RIPOR1: variants seen among roughly 807,000 people sequenced by gnomAD.
RIPOR1 encodes rho family-interacting cell polarization regulator 1.
In RIPOR1, 58 loss-of-function variants were observed where a neutral mutation model predicts 116.5. The ratio of observed to expected loss-of-function variants is 0.50; its 90% CI spans 0.40 to 0.62. The LOEUF (loss-of-function observed/expected upper bound fraction) is 0.62, where lower values mean the gene tolerates loss of function less well. Ranked by LOEUF, RIPOR1 falls within the 20% of genes least tolerant of loss-of-function variation. RIPOR1 has a pLI of 0.00. For missense variants in RIPOR1, 1,372 were observed against 1,586.2 expected, an observed-to-expected ratio of 0.86 and a Z score of 2.29; for synonymous variants, 605 against 650.0, an observed-to-expected ratio of 0.93 and a Z score of 1.05.
In RIPOR1 at chr16:67,529,630, T is replaced by A. The variant is rs1427634517; in HGVS notation, c.-24+716T>A. 26 of 789,618 alleles carry A rather than the reference T, an allele frequency of 3.3e-5. No homozygotes were observed. The highest frequency in any genetic ancestry group is 4.8e-5 in the Non-Finnish European group (24 of 502,502). 48.9% of individuals were successfully genotyped at this position (789,618 alleles called of 1,614,324 possible). A position where few individuals can be genotyped will look rare whatever the true frequency, so the allele number is the denominator to read the frequency against. Reference sequence around the variant, plus strand: ...CCAGATTCAGCACCCTTTGTCCTCCTCTCCAGGGTGAGCCCTGAGTCCGGC... The same window carrying A: ...CCAGATTCAGCACCCTTTGTCCTCCACTCCAGGGTGAGCCCTGAGTCCGGC... On this transcript the variant is annotated intron_variant, in intron 1 of 21. Transcript: ENST00000042381. This position sits in a 1 kb window ranked among gnomAD's most constrained non-coding sequence, Gnocchi z 4.1.
At position 67,541,953 on chromosome 16, in the gene RIPOR1, G is replaced by A. The variant is rs2050999818; in HGVS notation, c.1167G>A (p.Gln389=). The stretch of plus-strand genomic sequence containing the variant: ...CTTCAGACGACTCATCCAGCCCACA[G>A]CTCTCAGGCACTGCCCGCCACTCAC... The part of the protein sequence containing the change: ...SESSDDSSSP[Q]LSGTARHSPA... The change falls in exon 13 of 22, where the codon CAG becomes CAA. Residue 389 remains glutamine, a synonymous_variant. Transcript: ENST00000042381. This position sits in a 1 kb window ranked among gnomAD's most constrained non-coding sequence, Gnocchi z 4.6. The A allele has an allele frequency of 3.7e-6, 6 of 1,612,096 alleles. No homozygotes were observed. The highest frequency in any genetic ancestry group is 5.1e-6 in the Non-Finnish European group (6 of 1,179,732).
Position 67,544,564 on chromosome 16 carries a change from C to A in RIPOR1, c.2734-131C>A, listed in dbSNP as rs144687542. On this transcript the variant is annotated intron_variant, in intron 15 of 21. Transcript: ENST00000042381. This position sits in a 1 kb window ranked among gnomAD's most constrained non-coding sequence, Gnocchi z 5.1. ...GCCCCAGGGCCCTTGGCATCTGGCC[C>A]TTGCTGAATGGAGTATCTCCCAACT... 7.2e-6 allele frequency: 11 copies of A among 1,537,768 alleles called. No individual in the cohort carries two copies. The East Asian group carries it at 2.5e-4, about 35-fold the overall frequency.
At chr16:67,527,615 G>A (rs2050554198), upstream of RIPOR1, among the ~76,000 whole-genome samples, 1 of 152,062 alleles carries the variant, frequency 6.6e-6, no homozygotes, top group Non-Finnish European at 1.5e-5. Context: ...GGTGGCTCAT[G>A]CCTGTAATCC....
chr16:67,538,852 G>C, intron 3 of RIPOR1, 28 bp downstream of exon 3: 1 of 1,611,240 alleles, frequency 6.2e-7, no homozygotes, highest in Non-Finnish European at 8.5e-7. Context: ...TCCCAGCCCT[G>C]TCCCGGGATC....
rs2051080197 is a variant in RIPOR1, at chr16:67,543,874, C to T, written c.2600+405C>T. 3 of 351,810 alleles carry T rather than the reference C, an allele frequency of 8.5e-6. No homozygotes were observed. The highest frequency in any genetic ancestry group is 3.4e-5 in the South Asian group (1 of 29,462). 21.8% of individuals were successfully genotyped at this position (351,810 alleles called of 1,614,324 possible). On this transcript the variant is annotated intron_variant, in intron 14 of 21. Coordinates refer to ENST00000042381, the MANE Select transcript of RIPOR1 (RefSeq NM_024519.4). This position sits in a 1 kb window ranked among gnomAD's most constrained non-coding sequence, Gnocchi z 4.7. The stretch of plus-strand genomic sequence containing the variant: ...GCACTGCCCCACTCCTTCTCAACCC[C>T]GACTCTCCCAGAGGCCCTGGCCCCT...
Position 67,541,595 on chromosome 16 carries a change from G to A in RIPOR1, c.950+17G>A. The A allele has an allele frequency of 1.2e-5, 19 of 1,614,016 alleles. No individual in the cohort carries two copies. Among genetic ancestry groups the A allele is most frequent in the Non-Finnish European group, 1.4e-5 (17 of 1,179,920 alleles). The stretch of plus-strand genomic sequence containing the variant: ...CACATGGAGGTTGGTGGGGCTGAGA[G>A]GCTTGGAGGAGGGCCAGGAGGGCTG... On this transcript the variant is annotated intron_variant, in intron 11 of 21. Transcript: ENST00000042381. The surrounding 1 kb of genome is among the most constrained non-coding windows in gnomAD (Gnocchi z 4.6).
Position 67,545,587 on chromosome 16 carries a change from G to C in RIPOR1, c.3190+53G>C. 5 of 1,598,232 alleles carry C rather than the reference G, an allele frequency of 3.1e-6. No individual in the cohort carries two copies. Among genetic ancestry groups the C allele is most frequent in the Non-Finnish European group, 4.3e-6 (5 of 1,169,482 alleles). On this transcript the variant is annotated intron_variant, in intron 18 of 21. Transcript: ENST00000042381. This position sits in a 1 kb window ranked among gnomAD's most constrained non-coding sequence, Gnocchi z 4.8. ...GGCCTCTTGGGGTCTGAGGACATGA[G>C]GACAAGCCCTCCCCAACCTCGGGGG...
chr16:67,542,652 C>T lies in RIPOR1; in HGVS notation c.1866C>T (p.Pro622=), dbSNP rs577717311. The change falls in exon 13 of 22, where the codon CCC becomes CCT. Residue 622 remains proline (P), a synonymous_variant. Coordinates refer to ENST00000042381, the MANE Select transcript of RIPOR1 (RefSeq NM_024519.4). This position sits in a 1 kb window ranked among gnomAD's most constrained non-coding sequence, Gnocchi z 4.6. ...TASPTHTSTS[P]THTPTSPTHK... is the part of the protein sequence containing the mutation. The stretch of plus-strand genomic sequence containing the variant: ...GCCCCACTCATACTTCCACAAGCCC[C>T]ACCCATACCCCCACAAGTCCCACCC... The T allele has an allele frequency of 1.5e-5, 25 of 1,613,418 alleles. No individual in the cohort carries two copies. In the African/African-American group the frequency reaches 1.7e-4, roughly 11 times the overall value.
chr16:67,538,684 C>T lies in RIPOR1; in HGVS notation c.117C>T (p.Val39=), dbSNP rs548551482. 3 of 1,612,982 alleles carry T rather than the reference C, an allele frequency of 1.9e-6. No homozygotes were observed. In the East Asian group the frequency reaches 6.7e-5, roughly 36 times the overall value. The change falls in exon 3 of 22, where the codon GTC becomes GTT. Residue 39 remains valine (V), a synonymous_variant. Coordinates refer to ENST00000042381, the MANE Select transcript of RIPOR1 (RefSeq NM_024519.4). Reference sequence around the variant, plus strand: ...GCCTCTCCTTCAGGAGTTTCCCGGTCTTCAGCCCGCCGGGGCCCCCACGGA... The same window carrying T: ...GCCTCTCCTTCAGGAGTTTCCCGGTTTTCAGCCCGCCGGGGCCCCCACGGA... ...SHERGPRSFP[V]FSPPGPPRKP...
At chr16:67,528,240 T>C (rs2050564872), upstream of RIPOR1, 1 of 152,092 alleles carries the variant, frequency 6.6e-6, no homozygotes, top group Non-Finnish European at 1.5e-5. Flanking sequence ...CCTGCCAGCG[T>C]CCCCACCCCA....
chr16:67,529,736 TAACAATA>T lies in RIPOR1; in HGVS notation c.-24+823_-24+829del. On this transcript the variant is annotated intron_variant, in intron 1 of 21. Coordinates refer to ENST00000042381, the MANE Select transcript of RIPOR1 (RefSeq NM_024519.4). The surrounding 1 kb of genome is among the most constrained non-coding windows in gnomAD (Gnocchi z 4.1). ...AGCACCTACTGTGCGCAGCCTCGTGTAACAATACTTGTGCCCTGGCTGCAGTCTGCGG... is the reference window on the plus strand; with the variant it reads ...AGCACCTACTGTGCGCAGCCTCGTGTCTTGTGCCCTGGCTGCAGTCTGCGG... 1 of 1,532,732 alleles carries T rather than the reference TAACAATA, an allele frequency of 6.5e-7. No individual in the cohort carries two copies. Among genetic ancestry groups the T allele is most frequent in the Admixed American group, 2.0e-5 (1 of 50,884 alleles). 94.9% of individuals were successfully genotyped at this position (1,532,732 alleles called of 1,614,324 possible). A position where few individuals can be genotyped will look rare whatever the true frequency, so the allele number is the denominator to read the frequency against.
At position 67,544,883 on chromosome 16, in the gene RIPOR1, A is replaced by G; in HGVS notation, c.2869+53A>G. 6.3e-7 allele frequency: 1 copy of G among 1,597,164 alleles called. No individual in the cohort carries two copies. The highest frequency in any genetic ancestry group is 8.6e-7 in the Non-Finnish European group (1 of 1,168,712). On this transcript the variant is annotated intron_variant, in intron 16 of 21. Transcript: ENST00000042381. This position sits in a 1 kb window ranked among gnomAD's most constrained non-coding sequence, Gnocchi z 5.1. ...CCATCTGCCTTGAAGCTCCTACCTC[A>G]GCCTACTGCCATCTGCATGCTCTCT...
In RIPOR1 at chr16:67,541,121, A is replaced by G. The variant is rs1457602458; in HGVS notation, c.802-309A>G. ...CACTCTGTCACCCAGGTTGGAGTGC[A>G]GCAGTGCAATCATACCTCACTGCAG... On this transcript the variant is annotated intron_variant, in intron 10 of 21. Transcript: ENST00000042381. This position sits in a 1 kb window ranked among gnomAD's most constrained non-coding sequence, Gnocchi z 4.6. Among the ~76,000 whole-genome samples the G allele has an allele frequency of 1.3e-5, 2 of 152,096 alleles. No homozygotes were observed. The highest frequency in any genetic ancestry group is 2.9e-5 in the Non-Finnish European group (2 of 68,018).
chr16:67,524,085 GTTGT>G (rs1555524804), upstream of RIPOR1, among the ~76,000 whole-genome samples: 1 of 152,188 alleles, frequency 6.6e-6, no homozygotes, highest in Non-Finnish European at 1.5e-5. Context: ...AGTGTCTCCT[GTTGT>G]TTGTGTTTGC....
At position 67,545,717 on chromosome 16, in the gene RIPOR1, C is replaced by T; in HGVS notation, c.3244C>T (p.Leu1082=). ...TGATCAGGCTGTTGTGCTGAAGGCCCTGAGATTGGCGCCCGAGGGGCGTCT... is the reference window on the plus strand; with the variant it reads ...TGATCAGGCTGTTGTGCTGAAGGCCTTGAGATTGGCGCCCGAGGGGCGTCT... ...SDDQAVVLKA[L]RLAPEGRLRR... Residue 1082 remains leucine (L), a synonymous_variant, in exon 19 of 22, where the codon CTG becomes TTG. Transcript: ENST00000042381. This position sits in a 1 kb window ranked among gnomAD's most constrained non-coding sequence, Gnocchi z 4.8. 1 of 1,596,892 alleles carries T rather than the reference C, an allele frequency of 6.3e-7. No individual in the cohort carries two copies. The highest frequency in any genetic ancestry group is 1.8e-5 in the Admixed American group (1 of 57,076).
At chr16:67,523,059 T>C (rs1214726727) in intron 1 of RIPOR1, among the ~76,000 whole-genome samples, 1 of 152,246 alleles carries the variant, frequency 6.6e-6, no homozygotes, top group Admixed American at 6.5e-5. Flanking sequence ...CAGTCTCCTT[T>C]GGCAGAGTGT....
At position 67,537,792 on chromosome 16, in the gene RIPOR1, C is replaced by T. The variant is rs1262545675; in HGVS notation, c.-23-632C>T. 6.6e-6 allele frequency among the ~76,000 whole-genome samples: 1 copy of T among 151,936 alleles called. No individual in the cohort carries two copies. Among genetic ancestry groups the T allele is most frequent in the African/African-American group, 2.4e-5 (1 of 41,366 alleles). The stretch of plus-strand genomic sequence containing the variant: ...GGGAGCCTCAGGAAAGAGGAGGGGG[C>T]GGGGCCCTTCTCGGCATCGCGCCCA... On this transcript the variant is annotated intron_variant, in intron 1 of 21. Coordinates refer to ENST00000042381, the MANE Select transcript of RIPOR1 (RefSeq NM_024519.4). This position sits in a 1 kb window ranked among gnomAD's most constrained non-coding sequence, Gnocchi z 4.6.
chr16:67,538,489 G>T lies in RIPOR1; in HGVS notation c.43G>T (p.Ala15Ser). ...GCGGCCGCAGCGCCGTCTGCTCAGC[G>T]CCCGGGTCAATAGGAGCCAGTCCTT... Reference protein sequence around the residue: ...SVRPQRRLLSARVNRSQSFAG... With the variant: ...SVRPQRRLLSSRVNRSQSFAG... The change falls in exon 2 of 22, where the codon GCC becomes TCC. Residue 15 changes from alanine (A) to serine (S), a missense_variant. This residue lies in a region of RIPOR1 where 165 missense variants were observed against 145.5 expected (regional missense o/e 1.13). Transcript: ENST00000042381. The T allele has an allele frequency of 6.2e-7, 1 of 1,611,612 alleles. No individual in the cohort carries two copies. The highest frequency in any genetic ancestry group is 2.2e-5 in the East Asian group (1 of 44,824).
rs905578342 is a variant in RIPOR1, at chr16:67,537,292, T to G, written c.-23-1132T>G. On this transcript the variant is annotated intron_variant, in intron 1 of 21. Coordinates refer to ENST00000042381, the MANE Select transcript of RIPOR1 (RefSeq NM_024519.4). This position sits in a 1 kb window ranked among gnomAD's most constrained non-coding sequence, Gnocchi z 4.6. ...GCGTCTCCATTCTATCCCTTCATAT[T>G]CATCCCCATGCTCAAATCCCTTTAC... 6.6e-6 allele frequency among the ~76,000 whole-genome samples: 1 copy of G among 152,204 alleles called. No individual in the cohort carries two copies. Among genetic ancestry groups the G allele is most frequent in the African/African-American group, 2.4e-5 (1 of 41,454 alleles).
Sources: allele counts gnomAD v4.1 joint callset (sites outside exome capture counted in the v4.1 genomes callset), GRCh38; gene constraint gnomAD v4.1.1; regional missense constraint gnomAD v4.1.1; non-coding constraint Gnocchi (gnomAD v3.1); transcripts MANE v1.5; gene names NCBI Gene and HGNC (gene_info 2026-07-23, HGNC 2026-07-21).